Variants in SLC60A1 observed in about 807,000 individuals in gnomAD.
The protein encoded by SLC60A1 is major facilitator superfamily domain containing 4.
chr1:205,583,689 TGAGTCTAA>T, the SLC60A1 span, among the ~76,000 whole-genome samples: 1 of 152,194 alleles, frequency 6.6e-6, no homozygotes, highest in Non-Finnish European at 1.5e-5. Flanking sequence ...GCAGAGAGTT[TGAGTCTAA>T]GCTTTGCATG....
chr1:205,588,837 A>T, the SLC60A1 span, among the ~76,000 whole-genome samples: 1 of 152,336 alleles, frequency 6.6e-6, no homozygotes, highest in South Asian at 2.1e-4. Context: ...TCTGGAAGAC[A>T]AGGTTCTTGC....
At chr1:205,584,025 G>A in the SLC60A1 span, 4 of 1,613,948 alleles carry the variant, frequency 2.5e-6, no homozygotes, top group Non-Finnish European at 2.5e-6. Flanking sequence ...CCCCAGAGGA[G>A]GCCCCTGCTT....
the SLC60A1 span, among the ~76,000 whole-genome samples, chr1:205,578,122 G>A: frequency 1.1e-4 from 17 of 152,328 alleles, 1 homozygote; most frequent in East Asian, 3.9e-4. Flanking sequence ...CTAGTTCTTC[G>A]AGAGAGTTTT....
At chr1:205,572,696 C>T in the SLC60A1 span, among the ~76,000 whole-genome samples, 1 of 152,158 alleles carries the variant, frequency 6.6e-6, no homozygotes, top group African/African-American at 2.4e-5. Context: ...CTCTGCCTCT[C>T]CCTCCAGCAC....
the SLC60A1 span, chr1:205,580,707 T>C: frequency 6.2e-7 from 1 of 1,609,436 alleles, no homozygotes; most frequent in Middle Eastern, 1.7e-4. The surrounding 1 kb of genome is among the most constrained non-coding windows in gnomAD (Gnocchi z 5.0). Context: ...AGCCCCCTTA[T>C]TGCTGACCCT....
At chr1:205,591,028 C>T in the SLC60A1 span, among the ~76,000 whole-genome samples, 1 of 152,218 alleles carries the variant, frequency 6.6e-6, no homozygotes, top group African/African-American at 2.4e-5. Context: ...TCGGGACTTC[C>T]ACCTGGGTCT....
chr1:205,592,295 C>T, the SLC60A1 span: 1 of 1,605,414 alleles, frequency 6.2e-7, no homozygotes, highest in Non-Finnish European at 8.5e-7. Context: ...AAGGTGAGGG[C>T]CGGGCCCGAG....
At chr1:205,569,970 G>A in the SLC60A1 span, among the ~76,000 whole-genome samples, 1 of 151,368 alleles carries the variant, frequency 6.6e-6, no homozygotes, top group Non-Finnish European at 1.5e-5. Context: ...CACCGTTAAG[G>A]CCAGGTTGGG....
At chr1:205,592,649 C>T in the SLC60A1 span, among the ~76,000 whole-genome samples, 1 of 152,156 alleles carries the variant, frequency 6.6e-6, no homozygotes, top group Non-Finnish European at 1.5e-5. Context: ...ACACCCCCCT[C>T]CTGACTTTGG....
chr1:205,577,385 C>T, the SLC60A1 span, among the ~76,000 whole-genome samples: 3,020 of 152,280 alleles, frequency 0.02, 101 homozygotes, highest in African/African-American at 0.07. The surrounding 1 kb of genome is among the most constrained non-coding windows in gnomAD (Gnocchi z 5.2). Context: ...CTGGGTTGAG[C>T]GTCTCTGCAG....
At chr1:205,584,001 TGCTGACCTGCTGTCCCCA>T in the SLC60A1 span, 1 of 1,613,924 alleles carries the variant, frequency 6.2e-7, no homozygotes, top group Non-Finnish European at 8.5e-7. Flanking sequence ...AAGGAGCGGC[TGCTGACCTGCTGTCCCCA>T]GAGGAGGCCC....
At chr1:205,597,186 G>T in the SLC60A1 span, among the ~76,000 whole-genome samples, 1 of 152,172 alleles carries the variant, frequency 6.6e-6, no homozygotes, top group Admixed American at 6.5e-5. Context: ...GAATGCCAGG[G>T]CTAAGCAAGA....
At chr1:205,578,873 G>A in the SLC60A1 span, among the ~76,000 whole-genome samples, 1 of 152,126 alleles carries the variant, frequency 6.6e-6, no homozygotes, top group African/African-American at 2.4e-5. Context: ...TCTCCTCTCT[G>A]ACATTAGACT....
chr1:205,570,961 C>T, the SLC60A1 span, among the ~76,000 whole-genome samples: 2,383 of 152,298 alleles, frequency 0.016, 25 homozygotes, highest in Non-Finnish European at 0.025. Flanking sequence ...CCAGCTGGGC[C>T]ATCTCTTCCT....
the SLC60A1 span, among the ~76,000 whole-genome samples, chr1:205,591,789 G>A: frequency 2.0e-5 from 3 of 152,222 alleles, no homozygotes; most frequent in Non-Finnish European, 4.4e-5. Flanking sequence ...AGAGAGAGCT[G>A]ATGAAATTGG....
At chr1:205,582,520 A>G in the SLC60A1 span, among the ~76,000 whole-genome samples, 1 of 152,162 alleles carries the variant, frequency 6.6e-6, no homozygotes, top group Non-Finnish European at 1.5e-5. Context: ...AATGCCAGCC[A>G]ATCCTCTGTG....
At chr1:205,601,645 G>C in the SLC60A1 span, 2 of 152,192 alleles carry the variant, frequency 1.3e-5, no homozygotes, top group Admixed American at 1.3e-4. Flanking sequence ...ATGCAGTGGC[G>C]TCATCTCGGC....
chr1:205,569,086 G>T, the SLC60A1 span: 1 of 1,493,820 alleles, frequency 6.7e-7, no homozygotes, highest in African/African-American at 1.5e-5. Context: ...TGCGACGGCC[G>T]CGTGTCGGGG....
the SLC60A1 span, among the ~76,000 whole-genome samples, chr1:205,595,822 T>G: frequency 6.6e-6 from 1 of 152,210 alleles, no homozygotes. Context: ...GCATCCTCAG[T>G]GGTTAGCATA....
Sources: allele counts gnomAD v4.1 joint callset (sites outside exome capture counted in the v4.1 genomes callset), GRCh38; gene constraint gnomAD v4.1.1; non-coding constraint Gnocchi (gnomAD v3.1); transcripts MANE v1.5; gene names NCBI Gene and HGNC (gene_info 2026-07-23, HGNC 2026-07-21).